Variants in MASP2 observed in about 807,000 individuals in gnomAD.
MASP2 encodes the protein MBL associated serine protease 2, also known as mannan-binding lectin serine protease 2.
A neutral mutation model predicts 57.1 loss-of-function variants in MASP2; 49 were observed. The ratio of observed to expected loss-of-function variants is 0.86; its 90% CI spans 0.68 to 1.09. The LOEUF (loss-of-function observed/expected upper bound fraction) is 1.09. MASP2 is among the 50% of genes least tolerant of loss of function. The pLI, the probability that MASP2 is intolerant of heterozygous loss-of-function variation, is 0.00. For missense variants in MASP2, 900 were observed against 874.8 expected, an observed-to-expected ratio of 1.03 and a Z score of -0.36; for synonymous variants, 379 against 340.8, an observed-to-expected ratio of 1.11 and a Z score of -1.24.
chr1:11,043,434 T>C lies in MASP2; in HGVS notation c.646A>G (p.Ser216Gly). 6.2e-7 allele frequency: 1 copy of C among 1,611,026 alleles called. No individual in the cohort carries two copies. The change falls in exon 5 of 11, where the codon AGC becomes GGC. Residue 216 changes from serine to glycine, a missense_variant. Coordinates refer to ENST00000400897, the MANE Select transcript of MASP2 (RefSeq NM_006610.4). ...ATGACACTGAACCCCTCCTCCAGGCTGATGCTGTAAGTGCAACTGGAGAGT... is the reference window on the plus strand; with the variant it reads ...ATGACACTGAACCCCTCCTCCAGGCCGATGCTGTAAGTGCAACTGGAGAGT... Reference protein sequence around the residue: ...PKLSSCTYSISLEEGFSVILD... With the variant: ...PKLSSCTYSIGLEEGFSVILD...
In MASP2 at chr1:11,046,625, T is replaced by C; in HGVS notation, c.343A>G (p.Ile115Val). Residue 115 changes from isoleucine to valine, a missense_variant, in exon 3 of 11, where the codon ATT (isoleucine) becomes GTT (valine). Coordinates refer to ENST00000400897, the MANE Select transcript of MASP2 (RefSeq NM_006610.4). Reference sequence around the variant, plus strand: ...TTGGAGTAGTCGGAGCGGAAGGTAATGTCCAGGCTGGAGCCCAGCGAGTAG... The same window carrying C: ...TTGGAGTAGTCGGAGCGGAAGGTAACGTCCAGGCTGGAGCCCAGCGAGTAG... ...TFYSLGSSLD[I>V]TFRSDYSNEK... is the part of the protein sequence containing the mutation. 3.1e-6 allele frequency: 5 copies of C among 1,613,704 alleles called. No homozygotes were observed. The highest frequency in any genetic ancestry group is 3.4e-6 in the Non-Finnish European group (4 of 1,180,020).
At chr1:11,030,337 T>C in intron 9 of MASP2, 87 bp from the exon 10 acceptor site, 1 of 910,846 alleles carries the variant, frequency 1.1e-6, no homozygotes, top group Non-Finnish European at 1.8e-6. Flanking sequence ...AAAATGTTGA[T>C]TCTTGAGCAT....
chr1:11,032,521 G>T (rs1364168972), intron 8 of MASP2, among the ~76,000 whole-genome samples: 1 of 151,630 alleles, frequency 6.6e-6, no homozygotes, highest in Non-Finnish European at 1.5e-5. Flanking sequence ...TGAAGCAGGA[G>T]AATTGCTTGA....
Position 11,045,489 on chromosome 1 carries a change from G to C in MASP2, c.463C>G (p.His155Asp). The C allele has an allele frequency of 6.2e-7, 1 of 1,612,036 alleles. No individual in the cohort carries two copies. The highest frequency in any genetic ancestry group is 8.5e-7 in the Non-Finnish European group (1 of 1,179,778). ...APGEAPTCDH[H>D]CHNHLGGFYC... ...AAACCGCCCAGGTGGTTGTGGCAGTGGTGGTCGCAGGTGGGCGCCTCTCCC... is the reference window on the plus strand; with the variant it reads ...AAACCGCCCAGGTGGTTGTGGCAGTCGTGGTCGCAGGTGGGCGCCTCTCCC... The change falls in exon 4 of 11, where the codon CAC becomes GAC. Residue 155 changes from histidine to aspartate, a missense_variant. His to Asp is a moderately conservative substitution (Grantham distance 81, BLOSUM62 -1). Transcript: ENST00000400897.
At chr1:11,043,675 C>T in intron 4 of MASP2, 140 bp from the exon 5 acceptor site, 1 of 645,472 alleles carries the variant, frequency 1.5e-6, no homozygotes, top group Non-Finnish European at 2.6e-6. Flanking sequence ...TTGGGCTGGG[C>T]CCTGCAGGTG....
chr1:11,045,426 T>TACGGTGCAGG lies in MASP2; in HGVS notation c.516_525dup (p.Asn176ProfsTer4), dbSNP rs1553162138. ...CCCTCACCTGAGCAGGTGCGCTTGT[T>TACGGTGCAGG]ACGGTGCAGGACGTAGCCTGCGCGG... On this transcript the variant is annotated frameshift_variant, in exon 4 of 11. Transcript: ENST00000400897. LOFTEE classifies it high-confidence loss of function. 1 of 1,613,068 alleles carries TACGGTGCAGG rather than the reference T, an allele frequency of 6.2e-7. No homozygotes were observed. Among genetic ancestry groups the TACGGTGCAGG allele is most frequent in the Non-Finnish European group, 8.5e-7 (1 of 1,179,924 alleles).
Position 11,030,806 on chromosome 1 carries a change from G to C in MASP2, c.1164C>G (p.Tyr388Ter). The change falls in exon 9 of 11, where the codon TAC (tyrosine) becomes TAG (stop). Residue 388 changes from tyrosine (Y) to a stop codon, truncating the protein, a stop_gained. Coordinates refer to ENST00000400897, the MANE Select transcript of MASP2 (RefSeq NM_006610.4). LOFTEE classifies it high-confidence loss of function. ...CACAGCTGTACTGAATCACAGCTTT[G>C]TAGGTGGTCACTCCAGGACCTGTGA... The part of the protein sequence containing the change: ...EYITGPGVTT[Y>*]KAVIQYSCEE... 6.2e-7 allele frequency: 1 copy of C among 1,613,974 alleles called. No individual in the cohort carries two copies. The highest frequency in any genetic ancestry group is 8.5e-7 in the Non-Finnish European group (1 of 1,179,898).
At chr1:11,031,272 C>T (rs527579467) in intron 8 of MASP2, among the ~76,000 whole-genome samples, 1 of 150,614 alleles carries the variant, frequency 6.6e-6, no homozygotes, top group East Asian at 2.0e-4. Context: ...GCCTGTAATC[C>T]CGGCACTTTG....
rs371620754 is a variant in MASP2 at position 11,028,218 on chromosome 1, A to AG, written c.1298-571_1298-570insC. ...CCTGGTAAGAGCAAAACTCCATCTC[A>AG]AAAAAAAAAGGAGATTAGGAAAATT... On this transcript the variant is annotated intron_variant, in intron 10 of 10. Transcript: ENST00000400897. Among the ~76,000 whole-genome samples, 142 of 146,526 alleles carry AG rather than the reference A, an allele frequency of 9.7e-4. 1 individual carries two copies. The highest frequency in any genetic ancestry group is 3.6e-3 in the African/African-American group (138 of 38,608).
At position 11,030,788 on chromosome 1, in the gene MASP2, G is replaced by C; in HGVS notation, c.1182C>G (p.Tyr394Ter). 2.5e-6 allele frequency: 4 copies of C among 1,613,914 alleles called. No homozygotes were observed. Among genetic ancestry groups the C allele is most frequent in the Non-Finnish European group, 2.5e-6 (3 of 1,179,908 alleles). The change falls in exon 9 of 11, where the codon TAC becomes TAG. Residue 394 changes from tyrosine (Y) to a stop codon, truncating the protein, a stop_gained. Transcript: ENST00000400897. LOFTEE classifies it high-confidence loss of function. ...TTGTGTAGAAGGTCTCTTCACAGCT[G>C]TACTGAATCACAGCTTTGTAGGTGG... The part of the protein sequence containing the change: ...GVTTYKAVIQ[Y>*]SCEETFYTMK...
rs1239818585 is a variant in MASP2, at chr1:11,040,208, C to T, written c.890-2397G>A. Among the ~76,000 whole-genome samples the T allele has an allele frequency of 1.2e-4, 18 of 150,544 alleles. 1 individual carries two copies. The highest frequency in any genetic ancestry group is 2.9e-4 in the African/African-American group (12 of 40,988). The stretch of plus-strand genomic sequence containing the variant: ...GGATGGGGCTGGGCGCGGTGGCTCA[C>T]GCCTGTAATCCCAGCACTTCGGGAG... On this transcript the variant is annotated intron_variant, in intron 6 of 10. Coordinates refer to ENST00000400897, the MANE Select transcript of MASP2 (RefSeq NM_006610.4).
intron 5 of MASP2, 60 bp downstream of exon 5, chr1:11,043,279 G>C (rs1638516690): frequency 1.4e-6 from 2 of 1,419,196 alleles, no homozygotes; most frequent in South Asian, 1.3e-5. Flanking sequence ...CAGGAAGTAG[G>C]GGGTGCAGCT....
chr1:11,042,837 C>T (rs1638501879), intron 6 of MASP2, 38 bp downstream of exon 6: 1 of 1,609,576 alleles, frequency 6.2e-7, no homozygotes, highest in Non-Finnish European at 8.5e-7. Context: ...GAGGGCAGCT[C>T]TGCGCTTCCA....
Position 11,045,501 on chromosome 1 carries a change from TG to T in MASP2, c.450del (p.Thr151ProfsTer124). 6.2e-7 allele frequency: 1 copy of T among 1,609,106 alleles called. No homozygotes were observed. The highest frequency in any genetic ancestry group is 8.5e-7 in the Non-Finnish European group (1 of 1,178,780). On this transcript the variant is annotated frameshift_variant, in exon 4 of 11. Transcript: ENST00000400897. LOFTEE classifies it high-confidence loss of function. ...TGGTTGTGGCAGTGGTGGTCGCAGG[TG>T]GGCGCCTCTCCCGGGGCCACCTGGC... Reference protein sequence around the residue: ...DECQVAPGEAPTCDHHCHNHL... With the variant: ...DECQVAPGEAXTCDHHCHNHL...
rs974223062 is a variant in MASP2 at position 11,031,319 on chromosome 1, G to C, written c.1088-437C>G. On this transcript the variant is annotated intron_variant, in intron 8 of 10. Coordinates refer to ENST00000400897, the MANE Select transcript of MASP2 (RefSeq NM_006610.4). ...CGGGCAGATCACAAGGTCAGGAGAT[G>C]GAGACCATCCTGGCTAACACGGTGA... Among the ~76,000 whole-genome samples, 6 of 151,670 alleles carry C rather than the reference G, an allele frequency of 4.0e-5. No homozygotes were observed. The East Asian group carries it at 5.8e-4, about 15-fold the overall frequency.
intron 10 of MASP2, chr1:11,029,636 T>TTTC (rs1643808253): frequency 8.1e-6 from 1 of 122,954 alleles, no homozygotes. Flanking sequence ...TTTAAAATCT[T>TTTC]TTTTTTTTTT....
chr1:11,035,196 A>T (rs1020375130), intron 7 of MASP2, among the ~76,000 whole-genome samples: 1 of 149,484 alleles, frequency 6.7e-6, no homozygotes, highest in South Asian at 2.1e-4. Context: ...GCAATTTATA[A>T]TTTTTTTTTT....
At chr1:11,034,754 A>G in intron 8 of MASP2, 74 bp downstream of exon 8, 1 of 968,144 alleles carries the variant, frequency 1.0e-6, no homozygotes, top group South Asian at 1.7e-5. Flanking sequence ...CCAGAGAAGC[A>G]ATAGAAGCAG....
At chr1:11,040,030 T>G (rs1043398241) in intron 6 of MASP2, among the ~76,000 whole-genome samples, 1 of 148,036 alleles carries the variant, frequency 6.8e-6, no homozygotes. Context: ...GGTGGGTGGG[T>G]AGATGGACAG....
Sources: allele counts gnomAD v4.1 joint callset (sites outside exome capture counted in the v4.1 genomes callset), GRCh38; gene constraint gnomAD v4.1.1; transcripts MANE v1.5; gene names NCBI Gene and HGNC (gene_info 2026-07-23, HGNC 2026-07-21).